Variants in TENM1 observed in about 807,000 individuals in gnomAD.
TENM1 encodes teneurin transmembrane protein 1.
TENM1 carries 35 observed loss-of-function variants against 174.8 expected under a neutral mutation model. The ratio of observed to expected loss-of-function variants is 0.20; its 90% confidence interval spans 0.15 to 0.27. The LOEUF is 0.27. Ranked by LOEUF, TENM1 falls within the 10% of genes least tolerant of loss-of-function variation. TENM1 has a pLI of 1.00. For missense variants in TENM1, 1,633 were observed against 2,130.1 expected, an observed-to-expected ratio of 0.77 and a Z score of 4.59; for synonymous variants, 781 against 798.7, an observed-to-expected ratio of 0.98 and a Z score of 0.37.
intron 31 of TENM1, among the ~76,000 whole-genome samples, 196 bp downstream of exon 34, chrX:124,382,474 T>C (rs904007256): frequency 1.8e-5 from 2 of 111,544 alleles, no homozygotes; most frequent in African/African-American, 3.3e-5. Flanking sequence ...TAATCTTTTT[T>C]TTCCCCCAAA....
chrX:124,637,399 T>G (rs1463681524), intron 11 of TENM1, among the ~76,000 whole-genome samples: 1 of 111,136 alleles, frequency 9.0e-6, no homozygotes, highest in African/African-American at 3.3e-5. Context: ...CAAGTGCTAT[T>G]TTCTAACCCC....
chrX:124,748,852 T>C (rs1441216517), intron 3 of TENM1, among the ~76,000 whole-genome samples: 2 of 112,117 alleles, frequency 1.8e-5, no homozygotes, highest in African/African-American at 6.5e-5. Flanking sequence ...GTAATAAGCA[T>C]CTCAATGTTT....
intron 1 of TENM1, among the ~76,000 whole-genome samples, chrX:124,935,226 C>T (rs750870717): frequency 1.6e-4 from 17 of 106,715 alleles, no homozygotes; most frequent in Non-Finnish European, 3.3e-4. Flanking sequence ...TCTTTCATTT[C>T]GATGATTCTG....
intron 3 of TENM1, among the ~76,000 whole-genome samples, chrX:124,852,269 A>G (rs1392716231): frequency 2.7e-5 from 3 of 111,086 alleles, no homozygotes; most frequent in Non-Finnish European, 5.7e-5. Flanking sequence ...TGGCTAAGGT[A>G]TTTATGGTGA....
At chrX:124,657,577 G>A (rs977130742) in intron 6 of TENM1, among the ~76,000 whole-genome samples, 1 of 111,818 alleles carries the variant, frequency 8.9e-6, no homozygotes, top group Non-Finnish European at 1.9e-5. Context: ...TAATGACATT[G>A]TTCATATAAA....
chrX:125,017,190 C>A, the TENM1 span, among the ~76,000 whole-genome samples: 1 of 112,108 alleles, frequency 8.9e-6, no homozygotes, highest in Non-Finnish European at 1.9e-5. Context: ...AAAGGAATGA[C>A]AACAAAAGTC....
At chrX:124,496,373 C>A (rs2047201893) in intron 20 of TENM1, among the ~76,000 whole-genome samples, 1 of 111,768 alleles carries the variant, frequency 8.9e-6, no homozygotes, top group South Asian at 3.8e-4. Flanking sequence ...TAGTCATAAT[C>A]TTTGTGGAAC....
intron 22 of TENM1, among the ~76,000 whole-genome samples, chrX:124,471,643 A>C (rs1296605427): frequency 1.2e-5 from 1 of 84,348 alleles, no homozygotes; most frequent in Non-Finnish European, 2.1e-5. Context: ...ATAATATATA[A>C]TTATATAATA....
chrX:124,723,612 T>G (rs770139681), intron 4 of TENM1, among the ~76,000 whole-genome samples: 7 of 100,950 alleles, frequency 6.9e-5, no homozygotes, highest in East Asian at 6.0e-4. Context: ...TGTTTTTTTT[T>G]TTTTTTTTTG....
chrX:124,917,920 C>T (rs1356051438), intron 1 of TENM1, among the ~76,000 whole-genome samples: 14 of 112,255 alleles, frequency 1.2e-4, no homozygotes, highest in Admixed American at 7.6e-4. Context: ...GAATTCTCTA[C>T]GCTCTGACAT....
At chrX:124,699,112 A>G (rs2052716943) in intron 5 of TENM1, among the ~76,000 whole-genome samples, 2 of 112,035 alleles carry the variant, frequency 1.8e-5, no homozygotes, top group Admixed American at 9.5e-5. Context: ...ATATCTATGT[A>G]TGCACTATAT....
rs146764253 is a variant in TENM1, at chrX:124,807,835, A to C, written c.536-70638T>G. 7.2e-4 allele frequency among the ~76,000 whole-genome samples: 79 copies of C among 109,114 alleles called. 1 individual carries two copies. Among genetic ancestry groups the C allele is most frequent in the African/African-American group, 2.6e-3 (78 of 29,988 alleles). The allele number at this position is 109,114 out of a possible 115,157, so 94.8% of individuals were successfully genotyped here. On this transcript the variant is annotated intron_variant, in intron 3 of 31. Transcript: ENST00000422452. Reference sequence around the variant, plus strand: ...AAAGACACACAGTAGATGCAAAAAAATACAAAGTAAGGAATCAAAATATAT... The same window carrying C: ...AAAGACACACAGTAGATGCAAAAAACTACAAAGTAAGGAATCAAAATATAT...
chrX:124,629,352 T>G (rs778755557), intron 11 of TENM1, among the ~76,000 whole-genome samples: 19 of 112,509 alleles, frequency 1.7e-4, no homozygotes, highest in African/African-American at 5.1e-4. Flanking sequence ...ATAAAGACTT[T>G]GGAGTAGAAA....
intron 22 of TENM1, among the ~76,000 whole-genome samples, chrX:124,475,207 T>C (rs752697019): frequency 9.0e-6 from 1 of 111,152 alleles, no homozygotes; most frequent in South Asian, 3.9e-4. Context: ...ATCACTCTTC[T>C]AGCTTCTCCT....
rs531392708 is a variant in TENM1 at position 124,504,827 on chromosome X, A to G, written c.3302-1124T>C. 6.5e-4 allele frequency among the ~76,000 whole-genome samples: 73 copies of G among 112,213 alleles called. 1 individual carries two copies. In the South Asian group the frequency reaches 0.027, roughly 41 times the overall value. ...GTCCGAAAGTGAAAAAATAAAGCCA[A>G]CTGGTTTTGGTTTTTGGCATTAGGT... On this transcript the variant is annotated intron_variant, in intron 18 of 31. Transcript: ENST00000422452.
chrX:124,549,552 A>G (rs966621385), intron 14 of TENM1, among the ~76,000 whole-genome samples: 3 of 111,992 alleles, frequency 2.7e-5, no homozygotes, highest in Non-Finnish European at 5.6e-5. Context: ...AAAAAAATCT[A>G]AACATAGAAC....
chrX:124,589,476 T>C (rs767832233), intron 11 of TENM1, among the ~76,000 whole-genome samples: 3 of 110,572 alleles, frequency 2.7e-5, no homozygotes, highest in East Asian at 2.8e-4. Flanking sequence ...TTTTTTGGAA[T>C]AGTTTCAGTA....
intron 3 of TENM1, among the ~76,000 whole-genome samples, chrX:124,877,977 G>T (rs906427930): frequency 9.0e-6 from 1 of 111,639 alleles, no homozygotes; most frequent in Admixed American, 9.5e-5. Flanking sequence ...AAGTGGAAGT[G>T]AATCATCATA....
At chrX:124,952,963 G>A (rs2058513048) in intron 1 of TENM1, among the ~76,000 whole-genome samples, 1 of 111,465 alleles carries the variant, frequency 9.0e-6, no homozygotes, top group East Asian at 2.8e-4. Context: ...ATATTGTCAA[G>A]GTCTCAAGGG....
Sources: allele counts gnomAD v4.1 joint callset (sites outside exome capture counted in the v4.1 genomes callset), GRCh38; gene constraint gnomAD v4.1.1; transcripts MANE v1.5; gene names NCBI Gene and HGNC (gene_info 2026-07-23, HGNC 2026-07-21).